Variants in LPP observed in about 807,000 individuals in gnomAD.
The protein encoded by LPP is lipoma-preferred partner.
In LPP, 38 loss-of-function variants were observed where a neutral mutation model predicts 60.4. The observed-to-expected ratio is 0.63, with a 90% CI of 0.49 to 0.83. LPP has a LOEUF of 0.83. LPP is among the 40% of genes least tolerant of loss of function. The pLI is 0.00. For synonymous variants in LPP, 328 were observed against 290.8 expected, an observed-to-expected ratio of 1.13 and a Z score of -1.30; for missense variants, 902 against 783.6, an observed-to-expected ratio of 1.15 and a Z score of -1.80.
intron 8 of LPP, among the ~76,000 whole-genome samples, chr3:188,744,605 C>T (rs1725523084): frequency 6.6e-6 from 1 of 152,128 alleles, no homozygotes; most frequent in Non-Finnish European, 1.5e-5. Context: ...ATAATGCCTA[C>T]CTGATAGGTG....
intron 8 of LPP, among the ~76,000 whole-genome samples, chr3:188,733,349 T>A (rs2150070815): frequency 6.6e-6 from 1 of 152,106 alleles, no homozygotes; most frequent in Non-Finnish European, 1.5e-5. Flanking sequence ...TACACGCTAG[T>A]ATGCTTTAGT....
At chr3:188,708,173 T>C in intron 7 of LPP, 94 bp from the exon 8 acceptor site, 1 of 1,439,812 alleles carries the variant, frequency 6.9e-7, no homozygotes, top group East Asian at 2.3e-5. Context: ...CCAGTGCTTT[T>C]TCCTCTCCAG....
At chr3:188,420,582 G>C (rs1460759915) in intron 4 of LPP, among the ~76,000 whole-genome samples, 3 of 152,120 alleles carry the variant, frequency 2.0e-5, no homozygotes, top group African/African-American at 7.2e-5. Flanking sequence ...CCAGTCTCCT[G>C]AAATTGTATT....
intron 4 of LPP, among the ~76,000 whole-genome samples, chr3:188,437,766 A>C (rs1792714915): frequency 6.6e-6 from 1 of 152,140 alleles, no homozygotes; most frequent in African/African-American, 2.4e-5. Flanking sequence ...CACTGCTTTA[A>C]GTGTTTTTAT....
intron 3 of LPP, among the ~76,000 whole-genome samples, chr3:188,397,524 T>C (rs1781241004): frequency 6.6e-6 from 1 of 152,212 alleles, no homozygotes; most frequent in Non-Finnish European, 1.5e-5. Flanking sequence ...GTTGTTTCCC[T>C]GTCAGGGTTG....
intron 2 of LPP, among the ~76,000 whole-genome samples, chr3:188,302,025 A>T (rs1003588547): frequency 2.5e-4 from 38 of 152,138 alleles, no homozygotes; most frequent in African/African-American, 8.7e-4. Flanking sequence ...ATTCTCAGGG[A>T]GTTTAGAGAC....
At chr3:188,646,385 G>C (rs1489943595) in intron 7 of LPP, among the ~76,000 whole-genome samples, 1 of 152,122 alleles carries the variant, frequency 6.6e-6, no homozygotes, top group African/African-American at 2.4e-5. Context: ...AACCCTATAA[G>C]CTAGCCCCTG....
chr3:188,313,293 A>C (rs557131742), intron 2 of LPP, among the ~76,000 whole-genome samples: 5 of 148,120 alleles, frequency 3.4e-5, no homozygotes, highest in Non-Finnish European at 7.5e-5. Context: ...TCTTTTTCAG[A>C]AAATTTCTGG....
chr3:188,628,656 C>A (rs1847297288), intron 7 of LPP, among the ~76,000 whole-genome samples: 1 of 152,088 alleles, frequency 6.6e-6, no homozygotes, highest in Admixed American at 6.6e-5. Context: ...GGATTCCCAG[C>A]TGAATTCTAC....
At chr3:188,714,249 C>T (rs1712861223) in intron 8 of LPP, among the ~76,000 whole-genome samples, 1 of 152,172 alleles carries the variant, frequency 6.6e-6, no homozygotes, top group South Asian at 2.1e-4. Context: ...GGCTGTTTCT[C>T]TCCCATGTCA....
intron 7 of LPP, among the ~76,000 whole-genome samples, chr3:188,676,176 A>G (rs2149313245): frequency 6.6e-6 from 1 of 152,346 alleles, no homozygotes; most frequent in Non-Finnish European, 1.5e-5. Flanking sequence ...CGAATTCTTG[A>G]AGATTAGATT....
At chr3:188,393,950 T>C (rs1054299614) in intron 3 of LPP, among the ~76,000 whole-genome samples, 1 of 152,206 alleles carries the variant, frequency 6.6e-6, no homozygotes, top group Non-Finnish European at 1.5e-5. Flanking sequence ...AATTAAAGTA[T>C]GTTTTGCCAA....
At chr3:188,398,244 A>G (rs967741929) in intron 3 of LPP, among the ~76,000 whole-genome samples, 1 of 152,192 alleles carries the variant, frequency 6.6e-6, no homozygotes, top group South Asian at 2.1e-4. Flanking sequence ...CATGAGAGTT[A>G]GAGGGAATGG....
chr3:188,870,095 T>C (rs1036703470), intron 10 of LPP, among the ~76,000 whole-genome samples: 12 of 152,234 alleles, frequency 7.9e-5, no homozygotes, highest in African/African-American at 2.9e-4. Context: ...AAGTCTGCTG[T>C]AGATAGCACT....
chr3:188,302,006 T>C lies in LPP; in HGVS notation c.-66-39657T>C, dbSNP rs560594629. Among the ~76,000 whole-genome samples the C allele has an allele frequency of 1.3e-4, 20 of 151,692 alleles. No homozygotes were observed. The South Asian group carries it at 2.5e-3, about 19-fold the overall frequency. On this transcript the variant is annotated intron_variant, in intron 2 of 11. Coordinates refer to ENST00000617246, the MANE Select transcript of LPP (RefSeq NM_001375462.1). ...AAAAAAAAAACAACAACCCAGAACA[T>C]ATTGTAACATTCTCAGGGAGTTTAG...
At chr3:188,627,898 A>G (rs1847151389) in intron 7 of LPP, among the ~76,000 whole-genome samples, 1 of 152,172 alleles carries the variant, frequency 6.6e-6, no homozygotes, top group South Asian at 2.1e-4. Flanking sequence ...AAAATAACTG[A>G]CATCATACCA....
At chr3:188,397,570 G>C (rs1300195693) in intron 3 of LPP, among the ~76,000 whole-genome samples, 1 of 151,744 alleles carries the variant, frequency 6.6e-6, no homozygotes, top group Admixed American at 6.6e-5. Context: ...TGAATCTGAA[G>C]TGAAAGTGCA....
intron 7 of LPP, among the ~76,000 whole-genome samples, chr3:188,674,134 T>C (rs1857504885): frequency 6.6e-6 from 1 of 152,068 alleles, no homozygotes; most frequent in Non-Finnish European, 1.5e-5. Context: ...GCCTATTGAG[T>C]GGCCACATTC....
At position 188,874,732 on chromosome 3, in the gene LPP, A is replaced by G. The variant is rs1769042653; in HGVS notation, c.*253A>G. Reference sequence around the variant, plus strand: ...CACATTTTTGCACAGATTATGCTCCATCCCATTCACTTCTGCATTCCTGTA... The same window carrying G: ...CACATTTTTGCACAGATTATGCTCCGTCCCATTCACTTCTGCATTCCTGTA... On this transcript the variant is annotated 3_prime_UTR_variant, in exon 12 of 12. Transcript: ENST00000617246. The G allele has an allele frequency of 5.4e-6, 2 of 373,474 alleles. No individual in the cohort carries two copies. Among genetic ancestry groups the G allele is most frequent in the Non-Finnish European group, 9.8e-6 (2 of 204,000 alleles). 23.1% of individuals were successfully genotyped at this position (373,474 alleles called of 1,614,324 possible). A position where few individuals can be genotyped will look rare whatever the true frequency, so the allele number is the denominator to read the frequency against.
Sources: gnomAD v4.1 joint callset for allele counts (sites outside exome capture counted in the v4.1 genomes callset) on GRCh38, gnomAD v4.1.1 for gene constraint, MANE v1.5 for transcripts, NCBI Gene and HGNC (gene_info 2026-07-23, HGNC 2026-07-21) for gene names.